Variants in RILPL1 observed in about 807,000 individuals in gnomAD.
RILPL1 encodes Rab interacting lysosomal protein like 1, also known as RILP-like protein 1.
A neutral mutation model predicts 50.3 loss-of-function variants in RILPL1; 33 were observed. The ratio of observed to expected loss-of-function variants is 0.66; its 90% confidence interval spans 0.50 to 0.88. RILPL1 has a LOEUF of 0.88. RILPL1 is among the 40% of genes least tolerant of loss of function. The pLI is 0.00. For synonymous variants in RILPL1, 205 were observed against 228.6 expected (o/e 0.90, Z 0.93); for missense variants, 418 against 542.5 (o/e 0.77, Z 2.28).
Position 123,472,702 on chromosome 12 carries a change from C to T in RILPL1, c.1068-20G>A. On this transcript the variant is annotated intron_variant, in intron 6 of 6. Coordinates refer to ENST00000376874, the MANE Select transcript of RILPL1 (RefSeq NM_178314.5). ...CTAAACCTTTGGAAGGGAAAGCAAA[C>T]ACAGAAATGAGAGCTGACCCTTTGC... The T allele has an allele frequency of 6.3e-7, 1 of 1,587,612 alleles. No homozygotes were observed. Among genetic ancestry groups the T allele is most frequent in the South Asian group, 1.2e-5 (1 of 86,902 alleles).
At chr12:123,488,533 G>T (rs1882493616) in intron 4 of RILPL1, among the ~76,000 whole-genome samples, 1 of 152,246 alleles carries the variant, frequency 6.6e-6, no homozygotes, top group Admixed American at 6.5e-5. Flanking sequence ...AATGTGCCCT[G>T]GACAGGAGGC....
intron 2 of RILPL1, among the ~76,000 whole-genome samples, chr12:123,523,117 C>T (rs543701973): frequency 6.6e-6 from 1 of 152,216 alleles, no homozygotes; most frequent in Non-Finnish European, 1.5e-5. Context: ...TCCCAGAGCA[C>T]GGCCGCCCCC....
intron 2 of RILPL1, among the ~76,000 whole-genome samples, chr12:123,517,230 T>C (rs1343039888): frequency 6.6e-6 from 1 of 152,076 alleles, no homozygotes; most frequent in Non-Finnish European, 1.5e-5. Context: ...AAGGAAGGAC[T>C]CCTGCTGAGA....
intron 6 of RILPL1, chr12:123,474,869 T>A (rs184303374): frequency 7.9e-5 from 12 of 152,364 alleles, no homozygotes; most frequent in Admixed American, 3.3e-4. Context: ...TAATCACATC[T>A]GGGTGAAAAT....
chr12:123,514,729 T>C (rs1461045931), intron 2 of RILPL1, among the ~76,000 whole-genome samples: 5 of 151,974 alleles, frequency 3.3e-5, no homozygotes, highest in Admixed American at 1.3e-4. Flanking sequence ...CCCAGCCCAT[T>C]ATGAATAACT....
At position 123,485,289 on chromosome 12, in the gene RILPL1, T is replaced by C; in HGVS notation, c.974+344A>G. On this transcript the variant is annotated intron_variant, in intron 5 of 6. Coordinates refer to ENST00000376874, the MANE Select transcript of RILPL1 (RefSeq NM_178314.5). The surrounding 1 kb of genome is among the most constrained non-coding windows in gnomAD (Gnocchi z 4.0). ...GAGGTGAAAAGGGCCACATAGACCA[T>C]TAACACCGGGGCCGGGTTTCATTCA... The C allele has an allele frequency of 2.2e-6, 1 of 458,996 alleles. No homozygotes were observed. The highest frequency in any genetic ancestry group is 1.6e-5 in the South Asian group (1 of 63,602). The allele number at this position is 458,996 out of a possible 1,614,324, so 28.4% of individuals were successfully genotyped here.
chr12:123,491,687 T>C lies in RILPL1; in HGVS notation c.802-5882A>G, dbSNP rs1297631718. 6.6e-6 allele frequency among the ~76,000 whole-genome samples: 1 copy of C among 152,106 alleles called. No individual in the cohort carries two copies. The highest frequency in any genetic ancestry group is 1.9e-4 in the East Asian group (1 of 5,190). On this transcript the variant is annotated intron_variant, in intron 4 of 6. Transcript: ENST00000376874. This position sits in a 1 kb window ranked among gnomAD's most constrained non-coding sequence, Gnocchi z 4.0. ...TTCCCTATGCAGGCAGCCCGCACTT[T>C]ACAAAACAAAAACAAAACCTGCTAC...
chr12:123,512,119 TTG>T (rs752742295), intron 2 of RILPL1, among the ~76,000 whole-genome samples: 87 of 52,388 alleles, frequency 1.7e-3, no homozygotes, highest in Admixed American at 2.2e-3. Context: ...TGTGTGAGGT[TTG>T]TGTGTGTGTG....
intron 2 of RILPL1, among the ~76,000 whole-genome samples, chr12:123,509,352 T>C (rs2043111217): frequency 6.6e-6 from 1 of 151,830 alleles, no homozygotes; most frequent in Non-Finnish European, 1.5e-5. Context: ...TCACCTGAAG[T>C]TGGGAGTTCG....
At chr12:123,528,436 T>TG (rs886207038) in intron 1 of RILPL1, among the ~76,000 whole-genome samples, 11 of 151,228 alleles carry the variant, frequency 7.3e-5, no homozygotes, top group African/African-American at 2.7e-4. Flanking sequence ...GTTGTTTGTT[T>TG]TTTTTTTTTG....
chr12:123,531,937 T>A (rs1885453569), intron 1 of RILPL1, among the ~76,000 whole-genome samples: 1 of 152,190 alleles, frequency 6.6e-6, no homozygotes, highest in African/African-American at 2.4e-5. Flanking sequence ...GCTCAACTCT[T>A]GGGAGCCTGA....
At chr12:123,501,947 T>G (rs1883423063) in intron 2 of RILPL1, among the ~76,000 whole-genome samples, 2 of 146,524 alleles carry the variant, frequency 1.4e-5, no homozygotes, top group South Asian at 4.4e-4. Flanking sequence ...TGGTGGCGCA[T>G]GCCTGTAATC....
In RILPL1 at chr12:123,472,294, T is replaced by C; in HGVS notation, c.*244A>G. ...TCCGTTTGTGGGATTATTAAATATA[T>C]ATCCTACGGGATCAGAGTCATCTAT... On this transcript the variant is annotated 3_prime_UTR_variant, in exon 7 of 7. Coordinates refer to ENST00000376874, the MANE Select transcript of RILPL1 (RefSeq NM_178314.5). 2 of 469,962 alleles carry C rather than the reference T, an allele frequency of 4.3e-6. No homozygotes were observed. Among genetic ancestry groups the C allele is most frequent in the Non-Finnish European group, 3.8e-6 (1 of 262,538 alleles). 29.1% of individuals were successfully genotyped at this position (469,962 alleles called of 1,614,324 possible). A position where few individuals can be genotyped will look rare whatever the true frequency, so the allele number is the denominator to read the frequency against.
chr12:123,514,176 C>A (rs1334671885), intron 2 of RILPL1: 1 of 152,140 alleles, frequency 6.6e-6, no homozygotes, highest in Non-Finnish European at 1.5e-5. Flanking sequence ...GGATGAACCT[C>A]AAAAATGACG....
At chr12:123,493,286 C>A (rs1401406298) in intron 4 of RILPL1, among the ~76,000 whole-genome samples, 2 of 152,160 alleles carry the variant, frequency 1.3e-5, no homozygotes, top group East Asian at 3.8e-4. Context: ...GATTCTTTAC[C>A]TTGTCTATGA....
rs1019202999 is a variant in RILPL1, at chr12:123,491,803, G to A, written c.802-5998C>T. ...GCGGATCATTTGAGGTCAAGAGTTC[G>A]AGATCAGCCTGGGCAACATGGTAAA... is the stretch of plus-strand genomic sequence containing the variant. On this transcript the variant is annotated intron_variant, in intron 4 of 6. Coordinates refer to ENST00000376874, the MANE Select transcript of RILPL1 (RefSeq NM_178314.5). The surrounding 1 kb of genome is among the most constrained non-coding windows in gnomAD (Gnocchi z 4.0). 3.3e-5 allele frequency among the ~76,000 whole-genome samples: 5 copies of A among 151,986 alleles called. No homozygotes were observed. Among genetic ancestry groups the A allele is most frequent in the African/African-American group, 9.7e-5 (4 of 41,368 alleles).
At chr12:123,495,194 T>A (rs1233909119) in intron 4 of RILPL1, among the ~76,000 whole-genome samples, 1 of 151,802 alleles carries the variant, frequency 6.6e-6, no homozygotes, top group Admixed American at 6.6e-5. Flanking sequence ...CAAATACTAG[T>A]GGCAACTGTA....
rs1042525325 is a variant in RILPL1 at position 123,533,180 on chromosome 12, G to A, written c.303C>T (p.His101=). ...GACCGAGGCCGCCGCCCACCTTCTG[G>A]TGCTTGCGCTCCTTCTCGATGCGGT... is the stretch of plus-strand genomic sequence containing the variant. The part of the protein sequence containing the change: ...RMDRIEKERK[H]QKELELVEDV... Residue 101 remains histidine, a synonymous_variant, in exon 1 of 7, where the codon CAC becomes CAT. Coordinates refer to ENST00000376874, the MANE Select transcript of RILPL1 (RefSeq NM_178314.5). The surrounding 1 kb of genome is among the most constrained non-coding windows in gnomAD (Gnocchi z 6.2). 11 of 1,550,820 alleles carry A rather than the reference G, an allele frequency of 7.1e-6. No individual in the cohort carries two copies. The highest frequency in any genetic ancestry group is 8.7e-6 in the Non-Finnish European group (10 of 1,151,526).
chr12:123,525,123 C>T (rs1393185544), intron 1 of RILPL1, among the ~76,000 whole-genome samples: 1 of 151,952 alleles, frequency 6.6e-6, no homozygotes, highest in Non-Finnish European at 1.5e-5. Flanking sequence ...CAGAGTGAGA[C>T]TCTGTCTTGG....
Sources: allele counts gnomAD v4.1 joint callset (sites outside exome capture counted in the v4.1 genomes callset), GRCh38; gene constraint gnomAD v4.1.1; non-coding constraint Gnocchi (gnomAD v3.1); transcripts MANE v1.5; gene names NCBI Gene and HGNC (gene_info 2026-07-23, HGNC 2026-07-21).